The following DOCK5 variants were observed in gnomAD, a reference collection of about 807,000 sequenced individuals.
DOCK5 encodes dedicator of cytokinesis 5.
DOCK5 carries 142 observed loss-of-function variants against 251.8 expected under a neutral mutation model. The ratio of observed to expected loss-of-function variants is 0.56; its 90% CI spans 0.49 to 0.65. DOCK5 has a LOEUF of 0.65. Among genes scored for constraint, DOCK5 ranks in the 30% least tolerant of loss-of-function variants. DOCK5 has a pLI of 0.00. For missense variants in DOCK5, 2,111 were observed against 2,312.3 expected (o/e 0.91, Z 1.79); for synonymous variants, 842 against 835.5 (o/e 1.01, Z -0.13).
At chr8:25,339,462 G>T (rs1805896305) in intron 22 of DOCK5, among the ~76,000 whole-genome samples, 2 of 152,316 alleles carry the variant, frequency 1.3e-5, no homozygotes, top group South Asian at 4.1e-4. Flanking sequence ...GTTCAGGGAG[G>T]CAAGGAGTAA....
At chr8:25,240,888 G>A (rs1333242708) in intron 1 of DOCK5, among the ~76,000 whole-genome samples, 6 of 152,154 alleles carry the variant, frequency 3.9e-5, no homozygotes, top group Admixed American at 3.9e-4. Flanking sequence ...CCCTCCGGAG[G>A]CCCTCGGGGA....
intron 34 of DOCK5, 75 bp downstream of exon 34, chr8:25,369,716 C>A: frequency 1.5e-6 from 2 of 1,298,852 alleles, no homozygotes; most frequent in Non-Finnish European, 2.2e-6. Context: ...TCCTGTTTCA[C>A]CAATAGAGCA....
intron 1 of DOCK5, among the ~76,000 whole-genome samples, chr8:25,186,437 C>A (rs1801434239): frequency 1.3e-5 from 2 of 151,122 alleles, no homozygotes; most frequent in South Asian, 4.2e-4. Context: ...TGCAGTGGCG[C>A]AATCTCGGCT....
At chr8:25,245,424 G>T (rs1402173123) in intron 2 of DOCK5, among the ~76,000 whole-genome samples, 4 of 152,002 alleles carry the variant, frequency 2.6e-5, no homozygotes, top group Non-Finnish European at 5.9e-5. Flanking sequence ...ACTTTGTCTA[G>T]CCTCAATGGA....
At chr8:25,381,282 T>C (rs2117302290) in intron 39 of DOCK5, among the ~76,000 whole-genome samples, 1 of 152,350 alleles carries the variant, frequency 6.6e-6, no homozygotes, top group East Asian at 1.9e-4. Context: ...AGTTTACCAG[T>C]GTGCTATTAC....
intron 3 of DOCK5, among the ~76,000 whole-genome samples, chr8:25,272,732 C>T (rs569045675): frequency 6.6e-6 from 1 of 152,192 alleles, no homozygotes; most frequent in African/African-American, 2.4e-5. Flanking sequence ...CCATCTTAAC[C>T]ATTTGTAAGT....
chr8:25,213,820 T>G (rs1479881309), intron 1 of DOCK5, among the ~76,000 whole-genome samples: 1 of 152,192 alleles, frequency 6.6e-6, no homozygotes, highest in African/African-American at 2.4e-5. Context: ...GTGTCCTCTT[T>G]AGATGCAATA....
chr8:25,260,740 T>G (rs182632565), intron 2 of DOCK5, among the ~76,000 whole-genome samples: 1 of 152,162 alleles, frequency 6.6e-6, no homozygotes, highest in Non-Finnish European at 1.5e-5. Flanking sequence ...ACATTAGTAA[T>G]GTAAATCCTC....
intron 1 of DOCK5, among the ~76,000 whole-genome samples, chr8:25,188,493 C>T (rs1246607462): frequency 6.6e-6 from 1 of 152,100 alleles, no homozygotes; most frequent in Non-Finnish European, 1.5e-5. Flanking sequence ...GAGCTTTGGA[C>T]TCAGTATGAA....
intron 4 of DOCK5, chr8:25,277,524 C>A (rs1188122085): frequency 6.6e-6 from 1 of 151,922 alleles, no homozygotes; most frequent in East Asian, 1.9e-4. Flanking sequence ...ATGGCAGAAC[C>A]ATCATTTCAT....
intron 1 of DOCK5, among the ~76,000 whole-genome samples, chr8:25,207,940 C>A (rs906662401): frequency 2.0e-5 from 3 of 152,190 alleles, no homozygotes; most frequent in African/African-American, 4.8e-5. Context: ...ATTCCCCATT[C>A]TAAATGCCAC....
chr8:25,200,270 A>C (rs1801849613), intron 1 of DOCK5, among the ~76,000 whole-genome samples: 1 of 152,218 alleles, frequency 6.6e-6, no homozygotes, highest in African/African-American at 2.4e-5. Flanking sequence ...CTCTGAGTTT[A>C]TCTTACAAAT....
intron 38 of DOCK5, among the ~76,000 whole-genome samples, chr8:25,379,779 T>C (rs1801031313): frequency 6.6e-6 from 1 of 152,092 alleles, no homozygotes; most frequent in Admixed American, 6.6e-5. Flanking sequence ...TCGGGGTCCC[T>C]GACTTCCTGC....
At chr8:25,377,237 T>C in intron 37 of DOCK5, 68 bp from the exon 38 acceptor site, 1 of 1,515,164 alleles carries the variant, frequency 6.6e-7, no homozygotes. Flanking sequence ...ATATATACAA[T>C]ATTTTCTTGA....
chr8:25,273,551 C>T (rs1225251199), intron 3 of DOCK5, among the ~76,000 whole-genome samples: 6 of 152,160 alleles, frequency 3.9e-5, no homozygotes, highest in Admixed American at 2.0e-4. Flanking sequence ...TGCAGTGAGC[C>T]GAAATTGTGC....
intron 1 of DOCK5, among the ~76,000 whole-genome samples, chr8:25,199,718 G>C (rs1801834412): frequency 6.6e-6 from 1 of 152,182 alleles, no homozygotes; most frequent in South Asian, 2.1e-4. Context: ...GGAGTGGACA[G>C]CTTTACTCTG....
intron 34 of DOCK5, among the ~76,000 whole-genome samples, chr8:25,370,376 A>G (rs1800852133): frequency 6.6e-6 from 1 of 152,180 alleles, no homozygotes; most frequent in Non-Finnish European, 1.5e-5. Context: ...TCCAAGAATA[A>G]CATCTATTTT....
rs1218551965 is a variant in DOCK5, at chr8:25,212,600, T to G, written c.43+27649T>G. Among the ~76,000 whole-genome samples the G allele has an allele frequency of 2.8e-5, 2 of 71,438 alleles. 1 individual carries two copies. Among genetic ancestry groups the G allele is most frequent in the Admixed American group, 3.1e-4 (2 of 6,434 alleles). The allele number at this position is 71,438 out of a possible 152,430, so 46.9% of individuals were successfully genotyped here. A position where few individuals can be genotyped will look rare whatever the true frequency, so the allele number is the denominator to read the frequency against. ...TCTGCTCAAAACATCTGGATCCCAT[T>G]TCACTTGCGAAGTCTGTTTTGAAAG... On this transcript the variant is annotated intron_variant, in intron 1 of 51. Coordinates refer to ENST00000276440, the MANE Select transcript of DOCK5 (RefSeq NM_024940.8).
chr8:25,364,650 G>A lies in DOCK5; in HGVS notation c.3069G>A (p.Gln1023=), dbSNP rs1586365056. Residue 1023 remains glutamine (Q), a synonymous_variant, in exon 30 of 52, where the codon CAG becomes CAA. Transcript: ENST00000276440. ...QNRVFLRAIN[Q]FAEVLTRFFM... ...GGGTTTTTCTCCGTGCTATAAATCAGTTTGCTGAAGTTCTCACAAGATTCT... is the reference window on the plus strand; with the variant it reads ...GGGTTTTTCTCCGTGCTATAAATCAATTTGCTGAAGTTCTCACAAGATTCT... 5 of 1,601,084 alleles carry A rather than the reference G, an allele frequency of 3.1e-6. No individual in the cohort carries two copies. Among genetic ancestry groups the A allele is most frequent in the Non-Finnish European group, 4.3e-6 (5 of 1,172,424 alleles).
Sources: gnomAD v4.1 joint callset for allele counts (sites outside exome capture counted in the v4.1 genomes callset) on GRCh38, gnomAD v4.1.1 for gene constraint, MANE v1.5 for transcripts, NCBI Gene and HGNC (gene_info 2026-07-23, HGNC 2026-07-21) for gene names.